Variants in TAF3 observed in about 807,000 individuals in gnomAD.
The protein encoded by TAF3 is TATA-box binding protein associated factor 3.
In TAF3, 7 loss-of-function variants were observed where a neutral mutation model predicts 80.6. That is an observed-to-expected ratio of 0.09 (90% CI 0.05 to 0.16). The LOEUF (loss-of-function observed/expected upper bound fraction) is 0.16. Ranked by LOEUF, TAF3 falls within the 10% of genes least tolerant of loss-of-function variation. The probability of loss-of-function intolerance (pLI) is 1.00; values close to 1 mark genes in which losing one functional copy is unlikely to be tolerated. For missense variants in TAF3, 921 were observed against 1,140.2 expected, an observed-to-expected ratio of 0.81 and a Z score of 2.77; for synonymous variants, 444 against 446.1, an observed-to-expected ratio of 1.00 and a Z score of 0.06.
intron 2 of TAF3, among the ~76,000 whole-genome samples, chr10:7,877,441 T>C (rs999424932): frequency 6.6e-6 from 1 of 152,214 alleles, no homozygotes; most frequent in Non-Finnish European, 1.5e-5. Flanking sequence ...AAATATTTAA[T>C]GAAAGTTGGA....
intron 4 of TAF3, among the ~76,000 whole-genome samples, chr10:7,986,824 A>G (rs908793727): frequency 2.6e-5 from 4 of 152,238 alleles, no homozygotes; most frequent in Admixed American, 2.0e-4. Context: ...ATATGTAGCT[A>G]GGATTTTAAT....
At chr10:7,894,668 T>C (rs1837489718) in intron 2 of TAF3, among the ~76,000 whole-genome samples, 1 of 152,352 alleles carries the variant, frequency 6.6e-6, no homozygotes, top group African/African-American at 2.4e-5. Context: ...AAATCATCTA[T>C]GAAAATTTTA....
intron 4 of TAF3, among the ~76,000 whole-genome samples, chr10:8,002,375 T>A (rs1316804446): frequency 6.6e-6 from 1 of 152,334 alleles, no homozygotes; most frequent in South Asian, 2.1e-4. Flanking sequence ...TAATTTTGAA[T>A]GGATAGAAAA....
intron 2 of TAF3, among the ~76,000 whole-genome samples, chr10:7,864,608 TG>T (rs1270509193): frequency 2.1e-5 from 3 of 145,788 alleles, no homozygotes; most frequent in African/African-American, 7.6e-5. Flanking sequence ...TCATTTTTCT[TG>T]GGTAAATGTC....
chr10:7,871,435 C>CTTTTGTTTTTTTTTTTTTTTTTTT (rs1837263965), intron 2 of TAF3, among the ~76,000 whole-genome samples: 1 of 69,116 alleles, frequency 1.4e-5, no homozygotes, highest in Non-Finnish European at 2.9e-5. Flanking sequence ...ATAACTGCTG[C>CTTTTGTTTTTTTTTTTTTTTTTTT]TTTTTTTTTT....
chr10:7,833,823 G>T, intron 2 of TAF3: 1 of 570,596 alleles, frequency 1.8e-6, no homozygotes. Flanking sequence ...CAGTTCTTCA[G>T]CAGAACTGTC....
At chr10:7,867,272 A>AC (rs1564351914) in intron 2 of TAF3, among the ~76,000 whole-genome samples, 5 of 151,782 alleles carry the variant, frequency 3.3e-5, no homozygotes, top group African/African-American at 1.2e-4. Context: ...CACACACACA[A>AC]AAAACAAAAA....
chr10:7,986,562 A>G (rs1322969111), intron 4 of TAF3, among the ~76,000 whole-genome samples: 1 of 152,200 alleles, frequency 6.6e-6, no homozygotes, highest in East Asian at 1.9e-4. Flanking sequence ...TCTTAGCTCC[A>G]AAAGTTTCCC....
intron 4 of TAF3, among the ~76,000 whole-genome samples, chr10:7,981,318 C>T (rs989373770): frequency 1.3e-5 from 2 of 152,276 alleles, no homozygotes; most frequent in African/African-American, 4.8e-5. Context: ...TGCCCAGGTC[C>T]ATGGTGAGCA....
At chr10:7,965,856 T>A (rs1302473741) in intron 3 of TAF3, 114 bp downstream of exon 3, 1 of 1,366,048 alleles carries the variant, frequency 7.3e-7, no homozygotes, top group Non-Finnish European at 9.5e-7. Flanking sequence ...ATCACTTAAG[T>A]GGAAATATGT....
At chr10:7,922,481 T>C (rs1837772494) in intron 2 of TAF3, among the ~76,000 whole-genome samples, 1 of 152,082 alleles carries the variant, frequency 6.6e-6, no homozygotes, top group Admixed American at 6.5e-5. Context: ...GATACCTCAA[T>C]ATCTTTTTAA....
At chr10:7,987,366 C>T (rs1831788864) in intron 4 of TAF3, among the ~76,000 whole-genome samples, 1 of 152,088 alleles carries the variant, frequency 6.6e-6, no homozygotes, top group African/African-American at 2.4e-5. Context: ...TACTGTTCAG[C>T]AGCTTATCCC....
intron 2 of TAF3, among the ~76,000 whole-genome samples, chr10:7,877,857 G>A (rs917824392): frequency 6.6e-6 from 1 of 151,960 alleles, no homozygotes; most frequent in Non-Finnish European, 1.5e-5. Context: ...TTCTAGTACC[G>A]TTTATACACC....
chr10:7,859,133 C>A (rs1017296012), intron 2 of TAF3, among the ~76,000 whole-genome samples: 1 of 151,982 alleles, frequency 6.6e-6, no homozygotes, highest in African/African-American at 2.4e-5. Context: ...GTGTGGTGGG[C>A]ACCTGTAGTC....
intron 4 of TAF3, among the ~76,000 whole-genome samples, chr10:7,995,525 TA>T (rs1831879474): frequency 6.6e-6 from 1 of 152,226 alleles, no homozygotes; most frequent in Admixed American, 6.5e-5. Flanking sequence ...CTTACCTGAA[TA>T]TTAATGCCCT....
intron 2 of TAF3, among the ~76,000 whole-genome samples, chr10:7,961,321 G>A (rs558102523): frequency 6.6e-6 from 1 of 152,302 alleles, no homozygotes; most frequent in East Asian, 1.9e-4. Flanking sequence ...AATTGATGAG[G>A]TTGTGATGTT....
intron 2 of TAF3, among the ~76,000 whole-genome samples, chr10:7,928,178 G>C (rs975782807): frequency 4.6e-5 from 7 of 152,228 alleles, no homozygotes; most frequent in Admixed American, 3.3e-4. Context: ...GAAAGGACAA[G>C]GAAGTAAATA....
At chr10:7,999,619 G>C (rs1257394913) in intron 4 of TAF3, among the ~76,000 whole-genome samples, 1 of 152,064 alleles carries the variant, frequency 6.6e-6, no homozygotes, top group Non-Finnish European at 1.5e-5. Flanking sequence ...ACCATGCCCG[G>C]CTAATTTTTG....
intron 2 of TAF3, among the ~76,000 whole-genome samples, chr10:7,844,958 T>C (rs1351210959): frequency 2.0e-5 from 3 of 152,220 alleles, no homozygotes; most frequent in African/African-American, 7.2e-5. Context: ...TCTTTGCACA[T>C]GTTTTTCTTT....
Sources: gnomAD v4.1 joint callset for allele counts (sites outside exome capture counted in the v4.1 genomes callset) on GRCh38, gnomAD v4.1.1 for gene constraint, MANE v1.5 for transcripts, NCBI Gene and HGNC (gene_info 2026-07-23, HGNC 2026-07-21) for gene names.